SEZ6L: variants seen among roughly 807,000 people sequenced by gnomAD.
SEZ6L encodes seizure 6-like protein.
A neutral mutation model predicts 106.2 loss-of-function variants in SEZ6L; 37 were observed. The observed-to-expected ratio is 0.35, with a 90% CI of 0.27 to 0.46. The LOEUF is 0.46. SEZ6L is among the 20% of genes least tolerant of loss of function. The pLI is 1.00. For synonymous variants in SEZ6L, 541 were observed against 570.4 expected (o/e 0.95, Z 0.73); for missense variants, 1,172 against 1,332.8 (o/e 0.88, Z 1.88).
intron 9 of SEZ6L, among the ~76,000 whole-genome samples, chr22:26,319,183 C>T (rs1364692980): frequency 6.6e-6 from 1 of 152,206 alleles, no homozygotes; most frequent in Non-Finnish European, 1.5e-5. Flanking sequence ...ATTGCTTCTA[C>T]TCAAAAGTCA....
At chr22:26,208,071 A>C (rs937401261) in intron 1 of SEZ6L, among the ~76,000 whole-genome samples, 8 of 151,246 alleles carry the variant, frequency 5.3e-5, no homozygotes, top group African/African-American at 1.9e-4. Flanking sequence ...CACCATGCCC[A>C]GCTAATTTTT....
intron 1 of SEZ6L, among the ~76,000 whole-genome samples, chr22:26,186,821 A>G (rs1939813111): frequency 6.6e-6 from 1 of 152,162 alleles, no homozygotes; most frequent in Non-Finnish European, 1.5e-5. Context: ...CCCAGATCCT[A>G]TAGGGCAGGG....
intron 1 of SEZ6L, 23 bp from the exon 2 acceptor site, chr22:26,292,383 G>T (rs754968748): frequency 6.3e-7 from 1 of 1,577,844 alleles, no homozygotes; most frequent in Non-Finnish European, 8.7e-7. Flanking sequence ...CAAACTAACT[G>T]GTGTCTTTTC....
chr22:26,201,187 A>C (rs1267980652), intron 1 of SEZ6L, among the ~76,000 whole-genome samples: 1 of 152,090 alleles, frequency 6.6e-6, no homozygotes, highest in Admixed American at 6.6e-5. Flanking sequence ...AGAGACTGGC[A>C]TACAGTAGAC....
intron 1 of SEZ6L, among the ~76,000 whole-genome samples, chr22:26,236,666 A>T (rs2078967064): frequency 6.6e-6 from 1 of 152,148 alleles, no homozygotes; most frequent in Non-Finnish European, 1.5e-5. Context: ...GGGCAGGGAG[A>T]GGAGGGGGCT....
At chr22:26,242,906 A>G (rs2079186699) in intron 1 of SEZ6L, 1 of 152,162 alleles carries the variant, frequency 6.6e-6, no homozygotes, top group South Asian at 2.1e-4. Context: ...AAAACAACAG[A>G]TATGTATTTT....
chr22:26,377,926 T>A, intron 16 of SEZ6L, 151 bp downstream of exon 16: 2 of 622,848 alleles, frequency 3.2e-6, no homozygotes. Flanking sequence ...AAGAGATAAA[T>A]GCTGGGAGAA....
rs111740207 is a variant in SEZ6L, at chr22:26,278,999, A to AAGAC, written c.95-13407_95-13406insAGAC. Among the ~76,000 whole-genome samples, 383 of 135,638 alleles carry AAGAC rather than the reference A, an allele frequency of 2.8e-3. 11 individuals carry two copies. The highest frequency in any genetic ancestry group is 9.8e-3 in the African/African-American group (354 of 36,030). The allele number at this position is 135,638 out of a possible 152,430, so 89.0% of individuals were successfully genotyped here. A position where few individuals can be genotyped will look rare whatever the true frequency, so the allele number is the denominator to read the frequency against. ...GAGGGAGGGAGGGAGGAAGGAAGGA[A>AAGAC]GGAAGGAAGGGAAGGAAGGAAAGAA... On this transcript the variant is annotated intron_variant, in intron 1 of 16. Transcript: ENST00000248933.
intron 12 of SEZ6L, among the ~76,000 whole-genome samples, chr22:26,355,356 G>A (rs1569476386): frequency 6.6e-6 from 1 of 152,224 alleles, no homozygotes; most frequent in East Asian, 1.9e-4. Context: ...CTGCAGTTCA[G>A]CTTTTGGGCA....
chr22:26,246,269 T>C (rs17374185), intron 1 of SEZ6L, among the ~76,000 whole-genome samples: 19,695 of 152,220 alleles, frequency 0.13, 1,613 homozygotes, highest in Middle Eastern at 0.22. Context: ...GCCTCTCCTG[T>C]TGTAGAAAGA....
chr22:26,182,608 G>C lies in SEZ6L; in HGVS notation c.94+12845G>C, dbSNP rs561797979. On this transcript the variant is annotated intron_variant, in intron 1 of 16. Coordinates refer to ENST00000248933, the MANE Select transcript of SEZ6L (RefSeq NM_021115.5). ...GGCCTTTCCCAAGTGTCTTGATACAGGAAAGGGGCCCTGGTGTATAATAAC... is the reference window on the plus strand; with the variant it reads ...GGCCTTTCCCAAGTGTCTTGATACACGAAAGGGGCCCTGGTGTATAATAAC... 2.6e-5 allele frequency among the ~76,000 whole-genome samples: 4 copies of C among 152,084 alleles called. No individual in the cohort carries two copies. The East Asian group carries it at 7.7e-4, about 29-fold the overall frequency.
chr22:26,202,577 G>C (rs1362447919), intron 1 of SEZ6L, among the ~76,000 whole-genome samples: 1 of 152,206 alleles, frequency 6.6e-6, no homozygotes, highest in Admixed American at 6.5e-5. Context: ...AAGCTAGAGC[G>C]ACAGGAAGGT....
At chr22:26,359,475 G>C (rs896509132) in intron 12 of SEZ6L, among the ~76,000 whole-genome samples, 2 of 152,098 alleles carry the variant, frequency 1.3e-5, no homozygotes, top group African/African-American at 4.8e-5. Flanking sequence ...TTACCCAACC[G>C]TTCTGCGCTG....
At chr22:26,175,199 T>C (rs1029254318) in intron 1 of SEZ6L, among the ~76,000 whole-genome samples, 2 of 152,194 alleles carry the variant, frequency 1.3e-5, no homozygotes, top group African/African-American at 4.8e-5. Context: ...CTGGCACACA[T>C]AGCAAGCATT....
Position 26,381,633 on chromosome 22 carries a change from A to C in SEZ6L, c.*1338A>C, listed in dbSNP as rs2084413269. 1 of 158,602 alleles carries C rather than the reference A, an allele frequency of 6.3e-6. No homozygotes were observed. Among genetic ancestry groups the C allele is most frequent in the South Asian group, 1.8e-4 (1 of 5,450 alleles). The allele number at this position is 158,602 out of a possible 1,614,324, so 9.8% of individuals were successfully genotyped here. ...GTCACACGGGCATTCCTCTTATTTT[A>C]TCAGGGTCTGTTTTCCCCCAACCCA... On this transcript the variant is annotated 3_prime_UTR_variant, in exon 17 of 17. Transcript: ENST00000248933.
intron 1 of SEZ6L, among the ~76,000 whole-genome samples, chr22:26,279,652 G>C (rs2080693355): frequency 6.6e-6 from 1 of 152,206 alleles, no homozygotes; most frequent in African/African-American, 2.4e-5. Flanking sequence ...AGGGCACTTG[G>C]TCTTGTGTGA....
chr22:26,365,557 G>C lies in SEZ6L; in HGVS notation c.2785G>C (p.Val929Leu). 1.2e-6 allele frequency: 2 copies of C among 1,612,882 alleles called. No individual in the cohort carries two copies. Among genetic ancestry groups the C allele is most frequent in the Non-Finnish European group, 1.7e-6 (2 of 1,179,114 alleles). ...ATCCCACTGGAACGGGCCCCTGCCC[G>C]TGTGTAAAGGTAAAGAAACCTACTC... ...QPSHWNGPLP[V>L]CKVNQDSFEH... The change falls in exon 13 of 17, where the codon GTG becomes CTG. Residue 929 changes from valine (V) to leucine (L), a missense_variant. By Grantham distance (32) the Val-to-Leu change is conservative. Coordinates refer to ENST00000248933, the MANE Select transcript of SEZ6L (RefSeq NM_021115.5).
intron 13 of SEZ6L, among the ~76,000 whole-genome samples, chr22:26,366,314 A>T (rs965129328): frequency 1.3e-5 from 2 of 152,134 alleles, no homozygotes; most frequent in African/African-American, 4.8e-5. Context: ...AGCCTGGGTG[A>T]CACAGCGAGA....
intron 1 of SEZ6L, among the ~76,000 whole-genome samples, chr22:26,196,429 C>T (rs1307267282): frequency 6.6e-6 from 1 of 152,164 alleles, no homozygotes; most frequent in East Asian, 1.9e-4. Flanking sequence ...CTCACTCTGT[C>T]TGAGTAAGAA....
Sources: gnomAD v4.1 joint callset for allele counts (sites outside exome capture counted in the v4.1 genomes callset) on GRCh38, gnomAD v4.1.1 for gene constraint, MANE v1.5 for transcripts, NCBI Gene and HGNC (gene_info 2026-07-23, HGNC 2026-07-21) for gene names.